The following FRY variants were observed in gnomAD, a reference collection of about 807,000 sequenced individuals.
FRY encodes the protein FRY microtubule binding protein, also known as protein furry homolog.
In FRY, 128 loss-of-function variants were observed where a neutral mutation model predicts 348.4. The observed-to-expected ratio is 0.37, with a 90% CI of 0.32 to 0.43. The LOEUF (loss-of-function observed/expected upper bound fraction) is 0.43, where lower values mean the gene tolerates loss of function less well. Ranked by LOEUF, FRY falls within the 20% of genes least tolerant of loss-of-function variation. The probability of loss-of-function intolerance (pLI) is 1.00; values close to 1 mark genes in which losing one functional copy is unlikely to be tolerated. For missense variants in FRY, 2,736 were observed against 3,695.2 expected, an observed-to-expected ratio of 0.74 and a Z score of 6.73; for synonymous variants, 1,370 against 1,374.7, an observed-to-expected ratio of 1.00 and a Z score of 0.08.
At chr13:32,087,061 A>T (rs529388147) in intron 2 of FRY, among the ~76,000 whole-genome samples, 5 of 152,174 alleles carry the variant, frequency 3.3e-5, no homozygotes, top group Non-Finnish European at 7.4e-5. Context: ...AAATAATAGA[A>T]CATGATCTAG....
chr13:32,276,761 G>T (rs1434000145), intron 57 of FRY, among the ~76,000 whole-genome samples, 199 bp downstream of exon 57: 2 of 152,050 alleles, frequency 1.3e-5, no homozygotes, highest in Non-Finnish European at 2.9e-5. Flanking sequence ...CTACAAAAGA[G>T]AAATTTTTCA....
chr13:32,134,012 C>T (rs1392741878), intron 8 of FRY, among the ~76,000 whole-genome samples: 1 of 152,000 alleles, frequency 6.6e-6, no homozygotes, highest in Non-Finnish European at 1.5e-5. Flanking sequence ...ATTCTGGGCT[C>T]AAACGATCTG....
In FRY at chr13:32,072,586, A is replaced by G. The variant is rs1482145160; in HGVS notation, c.71-6248A>G. 2.0e-5 allele frequency among the ~76,000 whole-genome samples: 3 copies of G among 149,678 alleles called. No individual in the cohort carries two copies. In the East Asian group the frequency reaches 5.8e-4, roughly 29 times the overall value. On this transcript the variant is annotated intron_variant, in intron 1 of 60. Coordinates refer to ENST00000542859, the MANE Select transcript of FRY (RefSeq NM_023037.3). ...ATTTGAGTATTTGCAGTACCTTTTT[A>G]CATGCCATTTCTTAAGTTCCCTCAT...
At chr13:32,268,486 TAAAAAAAAAAA>T (rs1163691921) in intron 55 of FRY, among the ~76,000 whole-genome samples, 15 of 61,072 alleles carry the variant, frequency 2.5e-4, no homozygotes, top group African/African-American at 8.2e-4. Context: ...AAAGCTAGTT[TAAAAAAAAAAA>T]AAAAAAAAAT....
Position 32,237,609 on chromosome 13 carries a change from T to C in FRY, c.6041T>C (p.Leu2014Pro). ...ATTCAGGCTTGTACCCAACAAGGCCTCTCCTCAAAAACCAGAAGCTCATCC... is the reference window on the plus strand; with the variant it reads ...ATTCAGGCTTGTACCCAACAAGGCCCCTCCTCAAAAACCAGAAGCTCATCC... ...DRIQACTQQG[L>P]SSKTRSSSSL... The change falls in exon 44 of 61, where the codon CTC becomes CCC. Residue 2014 changes from leucine to proline, a missense_variant. This residue lies in a region of FRY where 789 missense variants were observed against 996.2 expected (regional missense o/e 0.79). Coordinates refer to ENST00000542859, the MANE Select transcript of FRY (RefSeq NM_023037.3). The surrounding 1 kb of genome is among the most constrained non-coding windows in gnomAD (Gnocchi z 6.3). 6.2e-7 allele frequency: 1 copy of C among 1,614,092 alleles called. No individual in the cohort carries two copies. Among genetic ancestry groups the C allele is most frequent in the South Asian group, 1.1e-5 (1 of 91,072 alleles).
At chr13:32,185,770 C>T (rs527327282) in intron 26 of FRY, among the ~76,000 whole-genome samples, 9 of 152,246 alleles carry the variant, frequency 5.9e-5, no homozygotes, top group Middle Eastern at 6.8e-3. Flanking sequence ...TTCCGCTTTT[C>T]GCTATTTTGA....
At chr13:32,070,630 G>C (rs1015579420) in intron 1 of FRY, among the ~76,000 whole-genome samples, 1 of 151,704 alleles carries the variant, frequency 6.6e-6, no homozygotes, top group African/African-American at 2.4e-5. Flanking sequence ...TGTCAGATGG[G>C]TAGATTGCAA....
At chr13:32,036,843 T>C (rs1872536005) in intron 1 of FRY, among the ~76,000 whole-genome samples, 2 of 151,930 alleles carry the variant, frequency 1.3e-5, no homozygotes. Context: ...CAGGTGATAA[T>C]TGCATTGTTT....
At chr13:32,060,135 G>A (rs1398303455) in intron 1 of FRY, among the ~76,000 whole-genome samples, 1 of 152,070 alleles carries the variant, frequency 6.6e-6, no homozygotes, top group Admixed American at 6.6e-5. Context: ...CTTGGGTTTC[G>A]GTCTCTTCAC....
intron 3 of FRY, among the ~76,000 whole-genome samples, chr13:32,113,644 A>G (rs552759659): frequency 1.8e-4 from 27 of 152,374 alleles, no homozygotes; most frequent in African/African-American, 6.3e-4. Context: ...AAATGCAACA[A>G]GAACATCTTT....
Position 32,224,237 on chromosome 13 carries a change from G to T in FRY, c.4768G>T (p.Asp1590Tyr). 1 of 1,613,888 alleles carries T rather than the reference G, an allele frequency of 6.2e-7. No homozygotes were observed. Among genetic ancestry groups the T allele is most frequent in the Non-Finnish European group, 8.5e-7 (1 of 1,179,840 alleles). Residue 1590 changes from aspartate (D) to tyrosine (Y), a missense_variant and splice_region_variant, in exon 37 of 61, where the codon GAT (aspartate) becomes TAT (tyrosine). Transcript: ENST00000542859. ...SGGSYDEDKN[D>Y]PISPYTGWLL... ...CAGTTGTCTTTCTCACCCTCCAGAT[G>T]ATCCAATTTCTCCCTACACGGGCTG...
chr13:32,161,352 A>C, intron 17 of FRY, 101 bp downstream of exon 17: 1 of 859,454 alleles, frequency 1.2e-6, no homozygotes, highest in Admixed American at 1.7e-5. Context: ...ATATTTACCA[A>C]ATGAGGTACT....
At chr13:32,200,441 A>C (rs965635833) in intron 29 of FRY, among the ~76,000 whole-genome samples, 1 of 152,184 alleles carries the variant, frequency 6.6e-6, no homozygotes, top group South Asian at 2.1e-4. Flanking sequence ...GTTCAACTCA[A>C]CCAGGTGCAG....
At chr13:32,291,204 T>C (rs149558926) in intron 59 of FRY, among the ~76,000 whole-genome samples, 1 of 152,186 alleles carries the variant, frequency 6.6e-6, no homozygotes, top group East Asian at 1.9e-4. Context: ...ACTACAACCA[T>C]TTTACCATTT....
chr13:32,145,835 C>T (rs1262480718), intron 11 of FRY, among the ~76,000 whole-genome samples: 4 of 152,036 alleles, frequency 2.6e-5, no homozygotes, highest in Non-Finnish European at 5.9e-5. Flanking sequence ...TGAGCCACCG[C>T]GCCCGGCCTC....
At chr13:32,220,716 A>G (rs1885267879) in intron 36 of FRY, among the ~76,000 whole-genome samples, 1 of 152,222 alleles carries the variant, frequency 6.6e-6, no homozygotes, top group East Asian at 1.9e-4. Context: ...TGAAAACATC[A>G]CTGAAACAAA....
At chr13:32,224,505 C>T in intron 37 of FRY, 120 bp downstream of exon 37, 2 of 897,962 alleles carry the variant, frequency 2.2e-6, no homozygotes, top group South Asian at 3.4e-5. Flanking sequence ...TCAGTGGGAT[C>T]CTGCCTGATT....
chr13:32,202,427 A>G lies in FRY; in HGVS notation c.3918A>G (p.Gly1306=). ...AEQRPGSILY[G]THGPLPPLYS... is the part of the protein sequence containing the mutation. Reference sequence around the variant, plus strand: ...AAAGACCGGGAAGTATTCTCTATGGAACACACGGCCCGCTGCCACCCCTCT... The same window carrying G: ...AAAGACCGGGAAGTATTCTCTATGGGACACACGGCCCGCTGCCACCCCTCT... Residue 1306 remains glycine (G), a synonymous_variant, in exon 31 of 61, where the codon GGA becomes GGG. Transcript: ENST00000542859. 1.2e-6 allele frequency: 2 copies of G among 1,614,020 alleles called. No individual in the cohort carries two copies. Among genetic ancestry groups the G allele is most frequent in the Non-Finnish European group, 1.7e-6 (2 of 1,179,934 alleles).
intron 33 of FRY, 58 bp downstream of exon 33, chr13:32,209,789 T>C: frequency 6.5e-7 from 1 of 1,548,488 alleles, no homozygotes; most frequent in South Asian, 1.1e-5. Flanking sequence ...CCATGTGCAA[T>C]TTGCAAGTCA....
Sources: gnomAD v4.1 joint callset for allele counts (sites outside exome capture counted in the v4.1 genomes callset) on GRCh38, gnomAD v4.1.1 for gene constraint, gnomAD v4.1.1 regional missense constraint, Gnocchi (gnomAD v3.1) non-coding constraint, MANE v1.5 for transcripts, NCBI Gene and HGNC (gene_info 2026-07-23, HGNC 2026-07-21) for gene names.